ITGA11: variants seen among roughly 807,000 people sequenced by gnomAD.
The protein encoded by ITGA11 is integrin alpha-11.
A neutral mutation model predicts 141.9 loss-of-function variants in ITGA11; 97 were observed. That is an observed-to-expected ratio of 0.68 (90% CI 0.58 to 0.81). The LOEUF (loss-of-function observed/expected upper bound fraction) is 0.81, where lower values mean the gene tolerates loss of function less well. Among genes scored for constraint, ITGA11 ranks in the 30% least tolerant of loss-of-function variants. The pLI, the probability that ITGA11 is intolerant of heterozygous loss-of-function variation, is 0.00. For synonymous variants in ITGA11, 658 were observed against 624.6 expected (o/e 1.05, Z -0.80); for missense variants, 1,387 against 1,559.2 (o/e 0.89, Z 1.86).
chr15:68,372,959 A>C (rs1426915424), intron 2 of ITGA11, among the ~76,000 whole-genome samples: 4 of 152,234 alleles, frequency 2.6e-5, no homozygotes, highest in African/African-American at 9.6e-5. Flanking sequence ...ATACCAGCAT[A>C]AACTGTCCAA....
chr15:68,357,382 G>A, intron 6 of ITGA11, 83 bp from the exon 7 acceptor site: 10 of 1,514,418 alleles, frequency 6.6e-6, no homozygotes, highest in African/African-American at 1.4e-5. Flanking sequence ...GGATCCCCGG[G>A]AGTTGTCTCT....
intron 1 of ITGA11, among the ~76,000 whole-genome samples, chr15:68,431,211 G>A (rs1435631060): frequency 6.6e-6 from 1 of 152,238 alleles, no homozygotes; most frequent in African/African-American, 2.4e-5. Flanking sequence ...GCTCCCAGCC[G>A]CGCGCCCCTC....
At position 68,350,648 on chromosome 15, in the gene ITGA11, A is replaced by G. The variant is rs749177338; in HGVS notation, c.1029T>C (p.Asp343=). The G allele has an allele frequency of 3.1e-6, 5 of 1,613,896 alleles. No individual in the cohort carries two copies. In the South Asian group the frequency reaches 4.4e-5, roughly 14 times the overall value. ...TDEAALKDIV[D]ALGDRIFSLE... ...GGCTGAAGATTCTGTCCCCCAGGGC[A>G]TCGACAATGTCCTTCAAGGCAGCCT... The change falls in exon 9 of 30, where the codon GAT becomes GAC. Residue 343 remains aspartate (D), a synonymous_variant. Transcript: ENST00000315757.
At chr15:68,341,078 A>T (rs1242454645) in intron 10 of ITGA11, among the ~76,000 whole-genome samples, 1 of 152,218 alleles carries the variant, frequency 6.6e-6, no homozygotes, top group Non-Finnish European at 1.5e-5. Flanking sequence ...AGCTGATCTT[A>T]TCAAAGGGTT....
At chr15:68,366,277 AG>A (rs1895419523) in intron 3 of ITGA11, among the ~76,000 whole-genome samples, 1 of 152,136 alleles carries the variant, frequency 6.6e-6, no homozygotes, top group African/African-American at 2.4e-5. Flanking sequence ...TGGGAGACCC[AG>A]GGGTCATCAT....
intron 1 of ITGA11, among the ~76,000 whole-genome samples, chr15:68,414,839 C>A (rs1896852376): frequency 6.6e-6 from 1 of 152,168 alleles, no homozygotes; most frequent in Non-Finnish European, 1.5e-5. Flanking sequence ...TGAGCTGTAA[C>A]CCCTCTCCCC....
rs1222021980 is a variant in ITGA11, at chr15:68,297,197, C to T, written c.*5862G>A. The stretch of plus-strand genomic sequence containing the variant: ...CTCCTGGGTTCAAGCAGTCCTCCCA[C>T]CTCAGCCTCTCAAAGTGTTGGGATT... On this transcript the variant is annotated 3_prime_UTR_variant, in exon 30 of 30. Transcript: ENST00000315757. 3 of 152,230 alleles carry T rather than the reference C, an allele frequency of 2.0e-5. No homozygotes were observed. The highest frequency in any genetic ancestry group is 7.2e-5 in the African/African-American group (3 of 41,438). The allele number at this position is 152,230 out of a possible 1,614,324, so 9.4% of individuals were successfully genotyped here.
chr15:68,368,425 G>A (rs994297080), intron 3 of ITGA11, among the ~76,000 whole-genome samples: 27 of 152,200 alleles, frequency 1.8e-4, no homozygotes, highest in Non-Finnish European at 2.9e-4. Flanking sequence ...TGGTGTGTGT[G>A]CTTAGTGGAT....
In ITGA11 at chr15:68,326,569, C is replaced by G. The variant is rs1459602519; in HGVS notation, c.2211+85G>C. 2.8e-6 allele frequency: 4 copies of G among 1,440,090 alleles called. No homozygotes were observed. The East Asian group carries it at 1.0e-4, about 36-fold the overall frequency. The allele number at this position is 1,440,090 out of a possible 1,614,324, so 89.2% of individuals were successfully genotyped here. On this transcript the variant is annotated intron_variant, in intron 17 of 29. Coordinates refer to ENST00000315757, the MANE Select transcript of ITGA11 (RefSeq NM_001004439.2). This position sits in a 1 kb window ranked among gnomAD's most constrained non-coding sequence, Gnocchi z 6.8. The stretch of plus-strand genomic sequence containing the variant: ...CTGAGGTCTGCTGGGGGCTTAGAAC[C>G]AGCCAGGCAGACTCTCTGCCTCTCC...
At chr15:68,332,306 T>A (rs1273298430) in intron 13 of ITGA11, 32 bp downstream of exon 13, 1 of 1,584,558 alleles carries the variant, frequency 6.3e-7, no homozygotes, top group Non-Finnish European at 8.6e-7. Flanking sequence ...TGGGGGCACC[T>A]GAGAAGCTGC....
Position 68,328,933 on chromosome 15 carries a change from A to G in ITGA11, c.1902-671T>C, listed in dbSNP as rs921851388. 6.6e-6 allele frequency among the ~76,000 whole-genome samples: 1 copy of G among 152,128 alleles called. No individual in the cohort carries two copies. Among genetic ancestry groups the G allele is most frequent in the Admixed American group, 6.5e-5 (1 of 15,276 alleles). On this transcript the variant is annotated intron_variant, in intron 15 of 29. Transcript: ENST00000315757. The surrounding 1 kb of genome is among the most constrained non-coding windows in gnomAD (Gnocchi z 4.8). ...CCATCCAGGTAACCAAGGAAATACA[A>G]ATTTACCCTTATACCGGCCTAAGTC...
At chr15:68,337,520 G>A (rs376384142) in intron 11 of ITGA11, among the ~76,000 whole-genome samples, 2 of 151,964 alleles carry the variant, frequency 1.3e-5, no homozygotes, top group South Asian at 2.1e-4. Context: ...ACTCCTAGAC[G>A]GAGGAGGAGG....
At chr15:68,364,893 A>T (rs1895368375) in intron 3 of ITGA11, 95 bp from the exon 4 acceptor site, 1 of 1,198,354 alleles carries the variant, frequency 8.3e-7, no homozygotes. Context: ...TGCCTCCCCG[A>T]TTCTCCCTGA....
At chr15:68,375,129 C>T (rs1595883213) in intron 2 of ITGA11, among the ~76,000 whole-genome samples, 1 of 152,278 alleles carries the variant, frequency 6.6e-6, no homozygotes, top group South Asian at 2.1e-4. Context: ...CAGGGCCTCT[C>T]CCCACAGGAG....
In ITGA11 at chr15:68,335,743, T is replaced by A; in HGVS notation, c.1379A>T (p.His460Leu). Residue 460 changes from histidine to leucine, a missense_variant, in exon 12 of 30, where the codon CAC becomes CTC. His to Leu is a moderately conservative substitution (Grantham distance 99). Transcript: ENST00000315757. The surrounding 1 kb of genome is among the most constrained non-coding windows in gnomAD (Gnocchi z 4.9). ...HTGKVILFTM[H>L]NNRSLTIHQA... ...GTGGATGGTGAGGCTCCGGTTGTTG[T>A]GCATGGTGAACAGGATGACCTTGCC... 1.2e-6 allele frequency: 2 copies of A among 1,613,894 alleles called. No homozygotes were observed. The highest frequency in any genetic ancestry group is 1.7e-6 in the Non-Finnish European group (2 of 1,179,864).
At chr15:68,315,917 G>A (rs1260336616) in intron 21 of ITGA11, among the ~76,000 whole-genome samples, 190 bp from the exon 22 acceptor site, 7 of 152,210 alleles carry the variant, frequency 4.6e-5, no homozygotes, top group Non-Finnish European at 8.8e-5. Context: ...CTTCAGGGCT[G>A]CTGTGGGGAC....
chr15:68,403,098 G>A (rs1896551341), intron 1 of ITGA11, 69 bp from the exon 2 acceptor site: 15 of 1,049,084 alleles, frequency 1.4e-5, no homozygotes, highest in Non-Finnish European at 2.2e-5. Context: ...CCTGGGCTGT[G>A]TCAGGACCCA....
intron 2 of ITGA11, among the ~76,000 whole-genome samples, chr15:68,369,523 A>G (rs567699966): frequency 2.0e-4 from 31 of 152,346 alleles, no homozygotes; most frequent in African/African-American, 7.5e-4. Context: ...GCCTAGGTAC[A>G]GAGATGAAGA....
intron 2 of ITGA11, among the ~76,000 whole-genome samples, chr15:68,397,464 A>C (rs1481142069): frequency 1.0e-5 from 1 of 97,696 alleles, no homozygotes; most frequent in Non-Finnish European, 1.8e-5. Context: ...AAAATTATTA[A>C]TATTTTAAAA....
Sources: gnomAD v4.1 joint callset for allele counts (sites outside exome capture counted in the v4.1 genomes callset) on GRCh38, gnomAD v4.1.1 for gene constraint, Gnocchi (gnomAD v3.1) non-coding constraint, MANE v1.5 for transcripts, NCBI Gene and HGNC (gene_info 2026-07-23, HGNC 2026-07-21) for gene names.